Variants in COL24A1 observed in about 807,000 individuals in gnomAD.
COL24A1 encodes the protein collagen type XXIV alpha 1 chain.
A neutral mutation model predicts 253.9 loss-of-function variants in COL24A1; 224 were observed. The ratio of observed to expected loss-of-function variants is 0.88; its 90% CI spans 0.79 to 0.99. The LOEUF (loss-of-function observed/expected upper bound fraction) is 0.99, where lower values mean the gene tolerates loss of function less well. COL24A1 is among the 50% of genes least tolerant of loss of function. The pLI, the probability that COL24A1 is intolerant of heterozygous loss-of-function variation, is 0.00. For missense variants in COL24A1, 2,131 were observed against 2,068.5 expected, an observed-to-expected ratio of 1.03 and a Z score of -0.59; for synonymous variants, 685 against 673.7, an observed-to-expected ratio of 1.02 and a Z score of -0.26.
chr1:85,821,783 G>A (rs530100848), intron 45 of COL24A1, among the ~76,000 whole-genome samples: 1 of 152,260 alleles, frequency 6.6e-6, no homozygotes, highest in African/African-American at 2.4e-5. Flanking sequence ...AGGCTAGAGA[G>A]GCAGTTGACT....
At chr1:86,067,767 C>A (rs1335959087) in intron 7 of COL24A1, among the ~76,000 whole-genome samples, 1 of 152,066 alleles carries the variant, frequency 6.6e-6, no homozygotes, top group Non-Finnish European at 1.5e-5. Context: ...TTTTTAAAAG[C>A]AAAGGGGATA....
chr1:85,907,297 C>G (rs1200380337), intron 27 of COL24A1, 50 bp from the exon 28 acceptor site: 1 of 1,406,796 alleles, frequency 7.1e-7, no homozygotes, highest in South Asian at 1.2e-5. Context: ...AGAATACTAT[C>G]AGAATAATAG....
chr1:86,131,823 T>C (rs9660357), intron 2 of COL24A1, among the ~76,000 whole-genome samples: 23,958 of 151,944 alleles, frequency 0.16, 1,955 homozygotes, highest in South Asian at 0.24. Flanking sequence ...AATAAACATA[T>C]GTGTGCATGT....
At chr1:86,139,276 A>C (rs561606473) in intron 2 of COL24A1, among the ~76,000 whole-genome samples, 163 of 152,128 alleles carry the variant, frequency 1.1e-3, no homozygotes, top group Non-Finnish European at 2.0e-3. Flanking sequence ...GTAGAGGATA[A>C]AACTATGACT....
At chr1:86,096,582 C>T (rs1002641585) in intron 5 of COL24A1, among the ~76,000 whole-genome samples, 2 of 152,084 alleles carry the variant, frequency 1.3e-5, no homozygotes, top group Admixed American at 6.6e-5. Context: ...CCCTTATGGC[C>T]TCGCTTTCCT....
chr1:85,857,195 A>T (rs1678531502), intron 37 of COL24A1, among the ~76,000 whole-genome samples: 1 of 152,188 alleles, frequency 6.6e-6, no homozygotes, highest in African/African-American at 2.4e-5. Context: ...CAACAAAGTC[A>T]AAATGAGGAA....
intron 2 of COL24A1, among the ~76,000 whole-genome samples, chr1:86,128,198 G>T (rs1373551054): frequency 6.6e-6 from 1 of 151,874 alleles, no homozygotes; most frequent in Non-Finnish European, 1.5e-5. Flanking sequence ...CCATAATATG[G>T]CTGGTTGTTT....
intron 32 of COL24A1, among the ~76,000 whole-genome samples, chr1:85,883,505 G>A (rs955081376): frequency 6.6e-6 from 1 of 152,056 alleles, no homozygotes; most frequent in South Asian, 2.1e-4. Flanking sequence ...ATAGGCATGA[G>A]CCACTGTGCC....
At chr1:85,735,844 A>T (rs1303608178) in intron 58 of COL24A1, among the ~76,000 whole-genome samples, 1 of 152,158 alleles carries the variant, frequency 6.6e-6, no homozygotes, top group Non-Finnish European at 1.5e-5. Flanking sequence ...ACTGATTTCC[A>T]AGCATAAAGT....
At chr1:85,926,734 T>C (rs1687288147) in intron 24 of COL24A1, among the ~76,000 whole-genome samples, 1 of 152,066 alleles carries the variant, frequency 6.6e-6, no homozygotes, top group Non-Finnish European at 1.5e-5. Context: ...AGTTAATGGG[T>C]GTAGCAAACC....
At chr1:86,083,203 C>A (rs1439053355) in intron 7 of COL24A1, among the ~76,000 whole-genome samples, 2 of 151,852 alleles carry the variant, frequency 1.3e-5, no homozygotes, top group Non-Finnish European at 2.9e-5. Context: ...GAGGCTGAGG[C>A]AGGAAAATGG....
chr1:86,090,666 AT>A (rs1382854670), intron 6 of COL24A1, among the ~76,000 whole-genome samples: 1 of 152,162 alleles, frequency 6.6e-6, no homozygotes, highest in African/African-American at 2.4e-5. Flanking sequence ...TTTGAATCCA[AT>A]TTAATGTAAG....
At chr1:85,923,756 A>C (rs1686835706) in intron 24 of COL24A1, among the ~76,000 whole-genome samples, 1 of 152,234 alleles carries the variant, frequency 6.6e-6, no homozygotes, top group Non-Finnish European at 1.5e-5. Flanking sequence ...TAACAATTGA[A>C]AGAACTATAG....
chr1:86,108,446 T>C (rs145431815), intron 5 of COL24A1, among the ~76,000 whole-genome samples: 58 of 151,996 alleles, frequency 3.8e-4, no homozygotes, highest in African/African-American at 1.4e-3. Flanking sequence ...CATTTTTTCT[T>C]TGTATTTGCT....
intron 2 of COL24A1, among the ~76,000 whole-genome samples, chr1:86,143,878 T>G (rs1430634735): frequency 6.6e-6 from 1 of 152,104 alleles, no homozygotes; most frequent in African/African-American, 2.4e-5. Flanking sequence ...CTTAGGATAA[T>G]CTCTCACTCA....
chr1:85,882,631 T>C (rs1375150644), intron 32 of COL24A1, among the ~76,000 whole-genome samples: 1 of 152,208 alleles, frequency 6.6e-6, no homozygotes, highest in Non-Finnish European at 1.5e-5. Flanking sequence ...TTAGATCTAG[T>C]TGACTTACGG....
chr1:85,941,008 T>C (rs1168521014), intron 24 of COL24A1, among the ~76,000 whole-genome samples: 1 of 152,176 alleles, frequency 6.6e-6, no homozygotes, highest in East Asian at 1.9e-4. Context: ...CCACCTAACT[T>C]GGTTGAACTT....
intron 5 of COL24A1, among the ~76,000 whole-genome samples, chr1:86,108,807 C>CA (rs369466863): frequency 0.53 from 75,768 of 142,608 alleles, 19,786 homozygotes; most frequent in Middle Eastern, 0.58. Context: ...AATTCCGTCT[C>CA]AAAAAAAAAA....
chr1:85,743,092 A>G (rs2100913606), intron 57 of COL24A1, among the ~76,000 whole-genome samples: 1 of 152,222 alleles, frequency 6.6e-6, no homozygotes, highest in African/African-American at 2.4e-5. Flanking sequence ...TATTTTAAAA[A>G]TCTGAGCCAA....
Sources: allele counts gnomAD v4.1 joint callset (sites outside exome capture counted in the v4.1 genomes callset), GRCh38; gene constraint gnomAD v4.1.1; transcripts MANE v1.5; gene names NCBI Gene and HGNC (gene_info 2026-07-23, HGNC 2026-07-21).